Variants in TRPM4 observed in about 807,000 individuals in gnomAD.
TRPM4 encodes calcium-activated non-selective cation channel 1.
TRPM4 carries 124 observed loss-of-function variants against 135.6 expected under a neutral mutation model. The observed-to-expected ratio is 0.91, with a 90% CI of 0.79 to 1.06. The LOEUF (loss-of-function observed/expected upper bound fraction) is 1.06. Ranked by LOEUF, TRPM4 falls within the 50% of genes least tolerant of loss-of-function variation. TRPM4 has a pLI of 0.00. For synonymous variants in TRPM4, 745 were observed against 705.6 expected (o/e 1.06, Z -0.88); for missense variants, 1,658 against 1,671.4 (o/e 0.99, Z 0.14).
intron 17 of TRPM4, among the ~76,000 whole-genome samples, chr19:49,199,402 G>A (rs983464294): frequency 2.0e-5 from 3 of 152,142 alleles, no homozygotes; most frequent in Admixed American, 2.0e-4. Flanking sequence ...GGGACTACAG[G>A]TGCCTGCCTC....
intron 12 of TRPM4, among the ~76,000 whole-genome samples, chr19:49,187,257 A>G (rs78850012): frequency 0.03 from 4,515 of 150,918 alleles, 214 homozygotes; most frequent in African/African-American, 0.1. Flanking sequence ...GATTCTGACA[A>G]CTTTTGATAG....
At chr19:49,166,822 C>T (rs550987892) in intron 3 of TRPM4, among the ~76,000 whole-genome samples, 44 of 150,166 alleles carry the variant, frequency 2.9e-4, no homozygotes, top group African/African-American at 1.1e-3. Flanking sequence ...GTGTCTCTGT[C>T]CCCGTCTCTC....
At chr19:49,188,837 C>T (rs1308801951) in intron 13 of TRPM4, 67 bp downstream of exon 13, 10 of 1,612,738 alleles carry the variant, frequency 6.2e-6, no homozygotes, top group African/African-American at 1.3e-5. Flanking sequence ...TGCAACTCCG[C>T]ACTCCTCACA....
chr19:49,210,364 C>A lies in TRPM4; in HGVS notation c.3287C>A (p.Pro1096His). 1 of 1,614,086 alleles carries A rather than the reference C, an allele frequency of 6.2e-7. No individual in the cohort carries two copies. Among genetic ancestry groups the A allele is most frequent in the South Asian group, 1.1e-5 (1 of 91,076 alleles). ...RLLLRQLCRR[P>H]RSPQPSSPAL... ...CTGCTCAGGCAATTGTGCAGGCGACCCCGGAGCCCCCAGCCGTCCTCCCCG... is the reference window on the plus strand; with the variant it reads ...CTGCTCAGGCAATTGTGCAGGCGACACCGGAGCCCCCAGCCGTCCTCCCCG... Residue 1096 changes from proline (P) to histidine (H), a missense_variant, in exon 21 of 25, where the codon CCC (proline) becomes CAC (histidine). Physicochemically the swap from Pro to His is moderately conservative, Grantham distance 77. Transcript: ENST00000252826. This position sits in a 1 kb window ranked among gnomAD's most constrained non-coding sequence, Gnocchi z 4.1.
chr19:49,195,893 T>A (rs377080777), intron 16 of TRPM4, among the ~76,000 whole-genome samples: 2 of 143,200 alleles, frequency 1.4e-5, no homozygotes, highest in Middle Eastern at 3.5e-3. Context: ...TATTATTATT[T>A]TTGAGACAGA....
Position 49,210,416 on chromosome 19 carries a change from A to C in TRPM4, c.3328+11A>C, listed in dbSNP as rs1969308667. The C allele has an allele frequency of 6.2e-7, 1 of 1,612,316 alleles. No individual in the cohort carries two copies. The highest frequency in any genetic ancestry group is 8.5e-7 in the Non-Finnish European group (1 of 1,179,916). On this transcript the variant is annotated intron_variant, in intron 21 of 24. Coordinates refer to ENST00000252826, the MANE Select transcript of TRPM4 (RefSeq NM_017636.4). This position sits in a 1 kb window ranked among gnomAD's most constrained non-coding sequence, Gnocchi z 4.1. ...CCCTCGAGCATTTCCGTAAGAACAGAGCTTGGCTTAAAAAGGAGAAATATA... is the reference window on the plus strand; with the variant it reads ...CCCTCGAGCATTTCCGTAAGAACAGCGCTTGGCTTAAAAAGGAGAAATATA...
intron 9 of TRPM4, among the ~76,000 whole-genome samples, chr19:49,174,683 AC>A (rs2061251285): frequency 6.6e-6 from 1 of 150,794 alleles, no homozygotes; most frequent in Non-Finnish European, 1.5e-5. Context: ...AATCGCTCGA[AC>A]CTAGGAGGCA....
intron 20 of TRPM4, among the ~76,000 whole-genome samples, chr19:49,202,781 C>T (rs1057450292): frequency 2.0e-5 from 3 of 152,072 alleles, no homozygotes; most frequent in Admixed American, 2.0e-4. Flanking sequence ...TGGCCCACCT[C>T]AGCCTCCCAA....
intron 6 of TRPM4, among the ~76,000 whole-genome samples, chr19:49,169,837 C>G (rs146888497): frequency 6.6e-6 from 1 of 151,816 alleles, no homozygotes; most frequent in Non-Finnish European, 1.5e-5. Context: ...GGATTACGGT[C>G]GTGAGCCACT....
At position 49,157,921 on chromosome 19, in the gene TRPM4, C is replaced by T. The variant is rs763583964; in HGVS notation, c.24+31C>T. 5 of 1,534,540 alleles carry T rather than the reference C, an allele frequency of 3.3e-6. No individual in the cohort carries two copies. The Admixed American group carries it at 9.8e-5, about 30-fold the overall frequency. On this transcript the variant is annotated intron_variant, in intron 1 of 24. Transcript: ENST00000252826. ...CGCCGGACCAGGGTCTGCGGGAGCGCGGAGCTGGGGACCTCGCCTCCAGGC... is the reference window on the plus strand; with the variant it reads ...CGCCGGACCAGGGTCTGCGGGAGCGTGGAGCTGGGGACCTCGCCTCCAGGC...
chr19:49,196,510 G>T lies in TRPM4; in HGVS notation c.2281G>T (p.Gly761Cys), dbSNP rs1446703456. The change falls in exon 17 of 25, where the codon GGC (glycine) becomes TGC (cysteine). Residue 761 changes from glycine (G) to cysteine (C), a missense_variant. This residue lies in a region of TRPM4 where 1,412 missense variants were observed against 1,408.7 expected (regional missense o/e 1.00). Coordinates refer to ENST00000252826, the MANE Select transcript of TRPM4 (RefSeq NM_017636.4). ...GTCGGGCCGTCCGGGTTGCTGCGGG[G>T]GCCGCTGCGGGGGGCGCCGGTGCCT... is the stretch of plus-strand genomic sequence containing the variant. ...RQSGRPGCCG[G>C]RCGGRRCLRR... 1 of 1,534,004 alleles carries T rather than the reference G, an allele frequency of 6.5e-7. No individual in the cohort carries two copies. Among genetic ancestry groups the T allele is most frequent in the South Asian group, 1.2e-5 (1 of 84,806 alleles).
intron 20 of TRPM4, among the ~76,000 whole-genome samples, chr19:49,209,397 T>C (rs1260023196): frequency 6.6e-6 from 1 of 152,178 alleles, no homozygotes; most frequent in Non-Finnish European, 1.5e-5. Context: ...GCCATCTGGT[T>C]TTGGGCTTTT....
At chr19:49,177,922 A>C (rs1967763590) in intron 9 of TRPM4, among the ~76,000 whole-genome samples, 1 of 152,142 alleles carries the variant, frequency 6.6e-6, no homozygotes. Flanking sequence ...GGAGTGTTGG[A>C]GACAAGGCCA....
chr19:49,208,337 AAGGGAG>A (rs1340631959), intron 20 of TRPM4, among the ~76,000 whole-genome samples: 1 of 151,542 alleles, frequency 6.6e-6, no homozygotes, highest in Non-Finnish European at 1.5e-5. Flanking sequence ...CCCCCGGGGA[AAGGGAG>A]ACTCCCTTTC....
chr19:49,210,142 C>G lies in TRPM4; in HGVS notation c.3132-67C>G. ...AGACTGAACAATTATTGCCTGGCAT[C>G]TAACCTTCGTCCTTGCCCCTGGCTG... On this transcript the variant is annotated intron_variant, in intron 20 of 24. Transcript: ENST00000252826. The surrounding 1 kb of genome is among the most constrained non-coding windows in gnomAD (Gnocchi z 4.1). 6.6e-7 allele frequency: 1 copy of G among 1,511,282 alleles called. No homozygotes were observed. The highest frequency in any genetic ancestry group is 9.2e-7 in the Non-Finnish European group (1 of 1,086,068). 93.6% of individuals were successfully genotyped at this position (1,511,282 alleles called of 1,614,324 possible). A position where few individuals can be genotyped will look rare whatever the true frequency, so the allele number is the denominator to read the frequency against.
At position 49,173,753 on chromosome 19, in the gene TRPM4, G is replaced by A. The variant is rs1327272518; in HGVS notation, c.1150+1645G>A. On this transcript the variant is annotated intron_variant, in intron 9 of 24. Transcript: ENST00000252826. ...GCTCAGTGCAGCCTCAACCTCCCAGGCTCAAGTGATCCTCCCACCCCAGCC... is the reference window on the plus strand; with the variant it reads ...GCTCAGTGCAGCCTCAACCTCCCAGACTCAAGTGATCCTCCCACCCCAGCC... 2.0e-5 allele frequency among the ~76,000 whole-genome samples: 3 copies of A among 151,906 alleles called. No homozygotes were observed. In the East Asian group the frequency reaches 5.8e-4, roughly 29 times the overall value.
chr19:49,210,936 G>T lies in TRPM4; in HGVS notation c.3462-79G>T. On this transcript the variant is annotated intron_variant, in intron 22 of 24. Transcript: ENST00000252826. This position sits in a 1 kb window ranked among gnomAD's most constrained non-coding sequence, Gnocchi z 4.1. ...GGGTCCTGGGAGGGAGGGAGAGAGG[G>T]AGGAGGCCCGGGAAGCAGGCAGAGC... The T allele has an allele frequency of 6.3e-7, 1 of 1,587,480 alleles. No homozygotes were observed. Among genetic ancestry groups the T allele is most frequent in the East Asian group, 2.3e-5 (1 of 43,856 alleles).
intron 20 of TRPM4, among the ~76,000 whole-genome samples, chr19:49,204,537 C>A (rs1193247506): frequency 2.0e-5 from 3 of 151,718 alleles, no homozygotes; most frequent in Non-Finnish European, 4.4e-5. Context: ...GAGTTCGAGA[C>A]CAGCCTGGGC....
intron 9 of TRPM4, among the ~76,000 whole-genome samples, chr19:49,177,330 C>CTT (rs36041791): frequency 1.3e-3 from 155 of 117,226 alleles, no homozygotes; most frequent in Non-Finnish European, 2.1e-3. Flanking sequence ...ATGAATGCGT[C>CTT]TTTTTTTTTT....
Sources: gnomAD v4.1 joint callset for allele counts (sites outside exome capture counted in the v4.1 genomes callset) on GRCh38, gnomAD v4.1.1 for gene constraint, gnomAD v4.1.1 regional missense constraint, Gnocchi (gnomAD v3.1) non-coding constraint, MANE v1.5 for transcripts, NCBI Gene and HGNC (gene_info 2026-07-23, HGNC 2026-07-21) for gene names.